Variants in PIP4K2A observed in about 807,000 individuals in gnomAD.
PIP4K2A encodes phosphatidylinositol-5-phosphate 4-kinase type 2 alpha, also known as phosphatidylinositol 5-phosphate 4-kinase type-2 alpha.
A neutral mutation model predicts 42.9 loss-of-function variants in PIP4K2A; 14 were observed. The observed-to-expected ratio is 0.33, with a 90% CI of 0.22 to 0.51. PIP4K2A has a LOEUF of 0.51. Among genes scored for constraint, PIP4K2A ranks in the 20% least tolerant of loss-of-function variants. The pLI, the probability that PIP4K2A is intolerant of heterozygous loss-of-function variation, is 0.97. For synonymous variants in PIP4K2A, 192 were observed against 192.2 expected, an observed-to-expected ratio of 1.00 and a Z score of 0.01; for missense variants, 434 against 519.8, an observed-to-expected ratio of 0.83 and a Z score of 1.61.
intron 1 of PIP4K2A, among the ~76,000 whole-genome samples, chr10:22,640,939 T>G (rs992923478): frequency 6.6e-6 from 1 of 152,136 alleles, no homozygotes; most frequent in African/African-American, 2.4e-5. Flanking sequence ...TTCTAAGAAC[T>G]GAGAGAAATA....
intron 3 of PIP4K2A, among the ~76,000 whole-genome samples, chr10:22,595,324 A>T (rs905252239): frequency 6.6e-5 from 10 of 152,216 alleles, no homozygotes; most frequent in Admixed American, 6.5e-4. Flanking sequence ...GAACTAACCA[A>T]AAAGGGCGAT....
At chr10:22,650,334 C>A (rs1838967321) in intron 1 of PIP4K2A, among the ~76,000 whole-genome samples, 1 of 152,180 alleles carries the variant, frequency 6.6e-6, no homozygotes, top group Admixed American at 6.5e-5. Context: ...CAGCTCACAG[C>A]AACTTCGACT....
intron 5 of PIP4K2A, among the ~76,000 whole-genome samples, chr10:22,568,595 T>C (rs994931270): frequency 3.3e-5 from 5 of 152,164 alleles, no homozygotes; most frequent in Non-Finnish European, 7.3e-5. Flanking sequence ...TCTCAGCAGT[T>C]TGTGCTCTTA....
At chr10:22,567,598 C>T in intron 6 of PIP4K2A, 2 of 698,770 alleles carry the variant, frequency 2.9e-6, no homozygotes, top group Non-Finnish European at 5.4e-6. Flanking sequence ...TTTTCAAGAG[C>T]AAGTTGCATG....
intron 3 of PIP4K2A, among the ~76,000 whole-genome samples, chr10:22,603,982 C>T (rs185137523): frequency 7.4e-5 from 11 of 148,298 alleles, no homozygotes; most frequent in African/African-American, 2.5e-4. Flanking sequence ...ACTGGTTACA[C>T]ACATGCGCGA....
intron 1 of PIP4K2A, among the ~76,000 whole-genome samples, chr10:22,637,675 G>T (rs907618682): frequency 6.6e-6 from 1 of 152,190 alleles, no homozygotes; most frequent in African/African-American, 2.4e-5. Context: ...AAGACAAGCA[G>T]TGTAAAGTGC....
rs1564410194 is a variant in PIP4K2A, at chr10:22,538,344, A to AG, written c.1141-1064_1141-1063insC. 5.0e-3 allele frequency among the ~76,000 whole-genome samples: 761 copies of AG among 151,996 alleles called. 1 individual carries two copies. Among genetic ancestry groups the AG allele is most frequent in the Middle Eastern group, 0.014 (4 of 294 alleles). On this transcript the variant is annotated intron_variant, in intron 9 of 9. Transcript: ENST00000376573. ...TATGGGGAGATGAACATGGAGCCAT[A>AG]TTGGCTAGGATAGGAGAGATGAACA...
intron 3 of PIP4K2A, among the ~76,000 whole-genome samples, chr10:22,597,619 T>C (rs972010647): frequency 1.3e-5 from 2 of 151,660 alleles, no homozygotes; most frequent in Non-Finnish European, 2.9e-5. Context: ...CTATATTCTA[T>C]ATGCACTCTC....
intron 1 of PIP4K2A, among the ~76,000 whole-genome samples, chr10:22,681,196 A>G (rs1839654633): frequency 6.6e-6 from 1 of 152,234 alleles, no homozygotes; most frequent in African/African-American, 2.4e-5. Flanking sequence ...TCACTCTTTT[A>G]AAGATTCCCA....
chr10:22,536,978 AC>A lies in PIP4K2A; in HGVS notation c.*222del. The A allele has an allele frequency of 7.8e-6, 3 of 384,654 alleles. No individual in the cohort carries two copies. The highest frequency in any genetic ancestry group is 2.7e-5 in the South Asian group (1 of 36,954). 23.8% of individuals were successfully genotyped at this position (384,654 alleles called of 1,614,324 possible). A position where few individuals can be genotyped will look rare whatever the true frequency, so the allele number is the denominator to read the frequency against. On this transcript the variant is annotated 3_prime_UTR_variant, in exon 10 of 10. Transcript: ENST00000376573. ...ACTCACCCCCCCCCAACACACACAC[AC>A]ACACATATACACAAAGTCAGAAATA... is the stretch of plus-strand genomic sequence containing the variant.
intron 1 of PIP4K2A, among the ~76,000 whole-genome samples, chr10:22,689,952 G>T (rs1839830373): frequency 6.6e-6 from 1 of 152,086 alleles, no homozygotes; most frequent in Non-Finnish European, 1.5e-5. Flanking sequence ...AGGCTGGAAT[G>T]TACTTACTCT....
intron 6 of PIP4K2A, among the ~76,000 whole-genome samples, chr10:22,557,068 A>G (rs1213137419): frequency 6.6e-6 from 1 of 152,190 alleles, no homozygotes; most frequent in Non-Finnish European, 1.5e-5. Flanking sequence ...AAAGCCTCTC[A>G]ACGGAATTAC....
At chr10:22,567,796 G>C in intron 6 of PIP4K2A, 55 bp downstream of exon 6, 1 of 1,383,782 alleles carries the variant, frequency 7.2e-7, no homozygotes, top group Non-Finnish European at 1.0e-6. Context: ...AAAGGTGATT[G>C]GGAGTATGTG....
At chr10:22,585,841 C>A (rs1360552855) in intron 4 of PIP4K2A, among the ~76,000 whole-genome samples, 1 of 152,162 alleles carries the variant, frequency 6.6e-6, no homozygotes, top group Non-Finnish European at 1.5e-5. Context: ...AGTGATCCGT[C>A]CACCTCGGCC....
intron 1 of PIP4K2A, among the ~76,000 whole-genome samples, chr10:22,631,973 T>G (rs936599591): frequency 6.6e-6 from 1 of 151,970 alleles, no homozygotes; most frequent in African/African-American, 2.4e-5. Flanking sequence ...TTCTGATACG[T>G]GCGCTGAGAT....
At chr10:22,640,313 C>A (rs1216862058) in intron 1 of PIP4K2A, among the ~76,000 whole-genome samples, 1 of 152,158 alleles carries the variant, frequency 6.6e-6, no homozygotes, top group Non-Finnish European at 1.5e-5. Flanking sequence ...CCCTTGGTAG[C>A]ACAAGGTACT....
At chr10:22,621,543 T>C (rs1376227631) in intron 1 of PIP4K2A, among the ~76,000 whole-genome samples, 2 of 152,238 alleles carry the variant, frequency 1.3e-5, no homozygotes, top group Admixed American at 6.5e-5. Context: ...TGCTAGATGA[T>C]ACCAAGCTGG....
intron 1 of PIP4K2A, among the ~76,000 whole-genome samples, chr10:22,701,592 T>C (rs1229056295): frequency 2.0e-5 from 3 of 152,174 alleles, no homozygotes; most frequent in Non-Finnish European, 4.4e-5. Context: ...GCCACCATGC[T>C]TTGGCTTCTC....
At chr10:22,665,497 A>T (rs933485869) in intron 1 of PIP4K2A, among the ~76,000 whole-genome samples, 3 of 152,028 alleles carry the variant, frequency 2.0e-5, no homozygotes, top group African/African-American at 7.2e-5. Flanking sequence ...GCTGGAGTAC[A>T]GTGGCACTAT....
Sources: gnomAD v4.1 joint callset for allele counts (sites outside exome capture counted in the v4.1 genomes callset) on GRCh38, gnomAD v4.1.1 for gene constraint, MANE v1.5 for transcripts, NCBI Gene and HGNC (gene_info 2026-07-23, HGNC 2026-07-21) for gene names.